The following DYM variants were observed in gnomAD, a reference collection of about 807,000 sequenced individuals.
DYM encodes dyggve-Melchior-Clausen syndrome protein.
DYM carries 78 observed loss-of-function variants against 93.1 expected under a neutral mutation model. The observed-to-expected ratio is 0.84, with a 90% CI of 0.70 to 1.01. DYM has a LOEUF of 1.01. DYM is among the 50% of genes least tolerant of loss of function. DYM has a pLI of 0.00. For synonymous variants in DYM, 321 were observed against 319.7 expected (o/e 1.00, Z -0.04); for missense variants, 789 against 845.0 (o/e 0.93, Z 0.82).
intron 13 of DYM, among the ~76,000 whole-genome samples, chr18:49,241,425 T>C (rs553457492): frequency 1.1e-4 from 16 of 152,288 alleles, no homozygotes; most frequent in South Asian, 2.1e-4. Context: ...AGAAATTCTG[T>C]ACCTTATAGA....
intron 5 of DYM, among the ~76,000 whole-genome samples, chr18:49,364,204 T>G (rs532552764): frequency 3.9e-4 from 59 of 152,266 alleles, no homozygotes; most frequent in Non-Finnish European, 6.6e-4. Context: ...CAGCATTTTG[T>G]GAGGCCAAGG....
At chr18:49,271,304 A>T (rs1462300003) in intron 11 of DYM, among the ~76,000 whole-genome samples, 1 of 152,208 alleles carries the variant, frequency 6.6e-6, no homozygotes, top group East Asian at 1.9e-4. Flanking sequence ...TACAGTACAC[A>T]GCTGAACTAA....
rs533871049 is a variant in DYM at position 49,143,236 on chromosome 18, T to C, written c.1728+20449A>G. Among the ~76,000 whole-genome samples the C allele has an allele frequency of 7.4e-4, 113 of 152,308 alleles. 2 individuals are homozygous for C. The highest frequency in any genetic ancestry group is 2.7e-3 in the African/African-American group (112 of 41,574). On this transcript the variant is annotated intron_variant, in intron 15 of 17. Transcript: ENST00000675505. ...TAACTACTAACCAACACAGCATAGCTAGTAAATCCTAAAATGGGGAGTGAA... is the reference window on the plus strand; with the variant it reads ...TAACTACTAACCAACACAGCATAGCCAGTAAATCCTAAAATGGGGAGTGAA...
chr18:49,073,094 A>T lies in DYM; in HGVS notation c.2025+24308T>A, dbSNP rs143270797. Among the ~76,000 whole-genome samples the T allele has an allele frequency of 7.2e-4, 109 of 152,382 alleles. 2 individuals carry two copies. The East Asian group carries it at 0.019, about 26-fold the overall frequency. On this transcript the variant is annotated intron_variant, in intron 17 of 17. Transcript: ENST00000675505. ...ATACGTGGATAAATAAGAGTAAAAC[A>T]TAGTGACTCAATCTCAGGGAAGTTA... is the stretch of plus-strand genomic sequence containing the variant.
chr18:49,206,161 G>A (rs1457523095), intron 14 of DYM, among the ~76,000 whole-genome samples: 1 of 151,820 alleles, frequency 6.6e-6, no homozygotes, highest in African/African-American at 2.4e-5. Flanking sequence ...ACCACTCCTG[G>A]CTAATTTTTT....
intron 14 of DYM, among the ~76,000 whole-genome samples, chr18:49,177,385 A>G (rs1267371513): frequency 1.3e-5 from 2 of 152,176 alleles, no homozygotes; most frequent in African/African-American, 4.8e-5. Context: ...ACCTATAACT[A>G]CGTTATAACA....
chr18:49,089,442 T>G (rs2078848092), intron 17 of DYM, among the ~76,000 whole-genome samples: 6 of 152,248 alleles, frequency 3.9e-5, no homozygotes. Flanking sequence ...AGGAATCTAC[T>G]TTAAGGATCA....
chr18:49,322,219 A>T (rs548089977), intron 8 of DYM, among the ~76,000 whole-genome samples: 166 of 152,112 alleles, frequency 1.1e-3, no homozygotes, highest in South Asian at 4.1e-3. Flanking sequence ...GAAAAAAAAA[A>T]TTTTTTTGGA....
At chr18:49,080,604 T>C (rs1232609451) in intron 17 of DYM, among the ~76,000 whole-genome samples, 4 of 120,922 alleles carry the variant, frequency 3.3e-5, no homozygotes, top group Admixed American at 1.7e-4. Context: ...CCCCCCCACC[T>C]CCCTCCTGGA....
chr18:49,257,163 G>T, intron 12 of DYM, 59 bp from the exon 13 acceptor site: 1 of 1,326,814 alleles, frequency 7.5e-7, no homozygotes, highest in Non-Finnish European at 1.1e-6. Context: ...TTTTAACCAA[G>T]GTTAACTATT....
At chr18:49,352,927 T>C (rs2147193433) in intron 6 of DYM, among the ~76,000 whole-genome samples, 1 of 152,252 alleles carries the variant, frequency 6.6e-6, no homozygotes, top group African/African-American at 2.4e-5. Flanking sequence ...ACAATATATC[T>C]ACTGCAAATT....
At chr18:49,141,887 T>A (rs2084538422) in intron 15 of DYM, among the ~76,000 whole-genome samples, 1 of 152,154 alleles carries the variant, frequency 6.6e-6, no homozygotes, top group Admixed American at 6.5e-5. Context: ...GGAGTCTCAC[T>A]CTGTCACTCA....
chr18:49,053,742 A>G (rs2075232733), intron 17 of DYM, among the ~76,000 whole-genome samples: 1 of 152,194 alleles, frequency 6.6e-6, no homozygotes, highest in African/African-American at 2.4e-5. Flanking sequence ...ACGTAGCCTC[A>G]CTATCATTCC....
chr18:49,088,433 G>A (rs1043556047), intron 17 of DYM, among the ~76,000 whole-genome samples: 18 of 151,836 alleles, frequency 1.2e-4, no homozygotes, highest in Non-Finnish European at 2.2e-4. Flanking sequence ...AGGGGGAAGG[G>A]ATAGCATTAG....
chr18:49,400,570 T>C (rs1322844878), intron 2 of DYM, among the ~76,000 whole-genome samples: 1 of 152,162 alleles, frequency 6.6e-6, no homozygotes, highest in African/African-American at 2.4e-5. Context: ...AACCACTTGG[T>C]AATTATTTAT....
intron 8 of DYM, among the ~76,000 whole-genome samples, chr18:49,289,727 G>GTATATATATATATATATATATATA (rs386387632): frequency 1.2e-4 from 10 of 85,066 alleles, no homozygotes; most frequent in Admixed American, 1.5e-4. Flanking sequence ...ATATATATGT[G>GTATATATATATATATATATATATA]TATATATATA....
At chr18:49,082,810 G>C (rs1036820759) in intron 17 of DYM, among the ~76,000 whole-genome samples, 4 of 152,010 alleles carry the variant, frequency 2.6e-5, no homozygotes, top group Non-Finnish European at 5.9e-5. Flanking sequence ...GCTCTTCTAG[G>C]GCCTCAAGCA....
rs1319433726 is a variant in DYM, at chr18:49,391,725, A to G, written c.141-80T>C. On this transcript the variant is annotated intron_variant, in intron 2 of 17. Coordinates refer to ENST00000675505, the MANE Select transcript of DYM (RefSeq NM_001353214.3). ...TGCTAATCAGTTAAAGAAATATATAAAGATAAGAAAAATAATTTAGAAGAA... is the reference window on the plus strand; with the variant it reads ...TGCTAATCAGTTAAAGAAATATATAGAGATAAGAAAAATAATTTAGAAGAA... 1.1e-5 allele frequency: 13 copies of G among 1,229,672 alleles called. No homozygotes were observed. In the Admixed American group the frequency reaches 2.3e-4, roughly 22 times the overall value. The allele number at this position is 1,229,672 out of a possible 1,614,324, so 76.2% of individuals were successfully genotyped here.
At chr18:49,196,205 T>C (rs752087763) in intron 14 of DYM, among the ~76,000 whole-genome samples, 2 of 152,052 alleles carry the variant, frequency 1.3e-5, no homozygotes, top group Non-Finnish European at 2.9e-5. Flanking sequence ...GGATTACAGG[T>C]GTGAGCCACT....
Sources: gnomAD v4.1 joint callset for allele counts (sites outside exome capture counted in the v4.1 genomes callset) on GRCh38, gnomAD v4.1.1 for gene constraint, MANE v1.5 for transcripts, NCBI Gene and HGNC (gene_info 2026-07-23, HGNC 2026-07-21) for gene names.